ZFYVE16: variants seen among roughly 807,000 people sequenced by gnomAD.
ZFYVE16 encodes zinc finger FYVE domain-containing protein 16.
In ZFYVE16, 89 loss-of-function variants were observed where a neutral mutation model predicts 138.1. The observed-to-expected ratio is 0.64, with a 90% CI of 0.54 to 0.77. ZFYVE16 has a LOEUF of 0.77. ZFYVE16 is among the 30% of genes least tolerant of loss of function. ZFYVE16 has a pLI of 0.00. For synonymous variants in ZFYVE16, 596 were observed against 618.3 expected (o/e 0.96, Z 0.53); for missense variants, 1,793 against 1,786.7 (o/e 1.00, Z -0.06).
chr5:80,441,965 A>G (rs1750758573), intron 5 of ZFYVE16: 9 of 962,892 alleles, frequency 9.3e-6, no homozygotes, highest in South Asian at 4.8e-5. Context: ...AGAGCAAAAT[A>G]GAAGCTATAT....
intron 2 of ZFYVE16, among the ~76,000 whole-genome samples, chr5:80,429,718 A>C (rs1003627279): frequency 5.3e-5 from 8 of 152,248 alleles, no homozygotes; most frequent in Non-Finnish European, 1.0e-4. Flanking sequence ...TCTCACATGC[A>C]GAGACACACA....
At chr5:80,415,549 G>A (rs968087040) in intron 1 of ZFYVE16, among the ~76,000 whole-genome samples, 7 of 152,174 alleles carry the variant, frequency 4.6e-5, no homozygotes, top group African/African-American at 1.7e-4. Context: ...TTTGTAGAAT[G>A]TCAGTTGAGA....
At position 80,418,202 on chromosome 5, in the gene ZFYVE16, TCTCTC is replaced by T. The variant is rs550695415; in HGVS notation, c.-93-9285_-93-9281del. Reference sequence around the variant, plus strand: ...TCTCCTTTCCTTTCCTTTCCCCTCTTCTCTCCTCTTTCTCCTCTCCTCTCTCCTTT... The same window carrying T: ...TCTCCTTTCCTTTCCTTTCCCCTCTTCTCTTTCTCCTCTCCTCTCTCCTTT... On this transcript the variant is annotated intron_variant, in intron 1 of 18. Coordinates refer to ENST00000505560, the MANE Select transcript of ZFYVE16 (RefSeq NM_001284236.3). Among the ~76,000 whole-genome samples, 377 of 151,184 alleles carry T rather than the reference TCTCTC, an allele frequency of 2.5e-3. 2 individuals are homozygous for T. The highest frequency in any genetic ancestry group is 6.8e-3 in the Middle Eastern group (2 of 294).
At position 80,471,930 on chromosome 5, in the gene ZFYVE16, A is replaced by G. The variant is rs1754425113; in HGVS notation, c.4025-831A>G. 2.0e-5 allele frequency among the ~76,000 whole-genome samples: 3 copies of G among 152,136 alleles called. No individual in the cohort carries two copies. In the South Asian group the frequency reaches 6.2e-4, roughly 32 times the overall value. On this transcript the variant is annotated intron_variant, in intron 15 of 18. Coordinates refer to ENST00000505560, the MANE Select transcript of ZFYVE16 (RefSeq NM_001284236.3). ...CAGTCTTCAAATCTATTTTGCCTAT[A>G]GATTTTGTAAGGGCTTCGTTTTGGC... is the stretch of plus-strand genomic sequence containing the variant.
chr5:80,462,346 C>T (rs1284670081), intron 15 of ZFYVE16, among the ~76,000 whole-genome samples: 1 of 152,094 alleles, frequency 6.6e-6, no homozygotes. Flanking sequence ...AAGCAAGGCA[C>T]CTTCTTCACA....
At position 80,474,752 on chromosome 5, in the gene ZFYVE16, G is replaced by A. The variant is rs111722890; in HGVS notation, c.4383G>A (p.Ala1461=). The change falls in exon 18 of 19, where the codon GCG becomes GCA. Residue 1461 remains alanine, a synonymous_variant. Transcript: ENST00000505560. ...AKEIAMACSA[A]LCPHLKTLKS... ...AAATAGCCATGGCTTGTAGTGCTGCGCTGTGCCCTCACCTGAAAACTCTAA... is the reference window on the plus strand; with the variant it reads ...AAATAGCCATGGCTTGTAGTGCTGCACTGTGCCCTCACCTGAAAACTCTAA... 3,178 of 1,613,832 alleles carry A rather than the reference G, an allele frequency of 2.0e-3. 13 individuals carry two copies. The highest frequency in any genetic ancestry group is 0.018 in the African/African-American group (1,386 of 75,016).
rs1301499775 is a variant in ZFYVE16 at position 80,479,865 on chromosome 5, TC to T, written c.*2489del. ...AATAGGCTGAGACTCCCAAATACTT[TC>T]ACCTTTAGGATGATAATGAATCAGA... On this transcript the variant is annotated 3_prime_UTR_variant, in exon 19 of 19. Transcript: ENST00000505560. Among the ~76,000 whole-genome samples the T allele has an allele frequency of 6.6e-6, 1 of 152,112 alleles. No homozygotes were observed. The highest frequency in any genetic ancestry group is 1.5e-5 in the Non-Finnish European group (1 of 68,012).
intron 15 of ZFYVE16, among the ~76,000 whole-genome samples, chr5:80,465,696 A>G (rs1753679423): frequency 6.7e-6 from 1 of 150,224 alleles, no homozygotes. Context: ...GGCATGAGCC[A>G]CTGTGCCTGG....
chr5:80,433,328 A>G (rs374229021), intron 2 of ZFYVE16, among the ~76,000 whole-genome samples: 1 of 152,226 alleles, frequency 6.6e-6, no homozygotes, highest in South Asian at 2.1e-4. Context: ...TCAGCCAACT[A>G]TCGCAAGGAC....
Position 80,480,707 on chromosome 5 carries a change from C to T in ZFYVE16, c.*3330C>T, listed in dbSNP as rs1012437722. 2.6e-5 allele frequency among the ~76,000 whole-genome samples: 4 copies of T among 152,062 alleles called. No homozygotes were observed. The highest frequency in any genetic ancestry group is 5.9e-5 in the Non-Finnish European group (4 of 67,968). ...GGGAGGCCAAGGCAGGAGGATCACT[C>T]GAGCTCAGGTTGAGACCAGAGTGAG... On this transcript the variant is annotated 3_prime_UTR_variant, in exon 19 of 19. Transcript: ENST00000505560.
chr5:80,442,148 A>G (rs194540), intron 5 of ZFYVE16, among the ~76,000 whole-genome samples: 120,367 of 152,102 alleles, frequency 0.79, 50,137 homozygotes, highest in East Asian at 0.92. Context: ...CTGTCACTCA[A>G]GTTGGAGTGT....
At chr5:80,456,152 A>G (rs1050295207) in intron 12 of ZFYVE16, 7 of 297,920 alleles carry the variant, frequency 2.3e-5, no homozygotes, top group African/African-American at 1.3e-4. Flanking sequence ...TTTCTCATTT[A>G]TAATAGGAAG....
intron 5 of ZFYVE16, chr5:80,440,577 G>C: frequency 1.0e-6 from 1 of 982,320 alleles, no homozygotes; most frequent in Non-Finnish European, 1.2e-6. Flanking sequence ...TTTTGCATAT[G>C]TACACTTCCC....
intron 3 of ZFYVE16, chr5:80,435,791 T>C (rs948052191): frequency 1.8e-5 from 7 of 392,786 alleles, no homozygotes; most frequent in Non-Finnish European, 3.5e-5. Flanking sequence ...CTCAGGCTGG[T>C]CTTGAACTCC....
Position 80,481,992 on chromosome 5 carries a change from T to C in ZFYVE16, c.*4615T>C, listed in dbSNP as rs1755289462. Among the ~76,000 whole-genome samples the C allele has an allele frequency of 6.6e-6, 1 of 152,182 alleles. No individual in the cohort carries two copies. Among genetic ancestry groups the C allele is most frequent in the Non-Finnish European group, 1.5e-5 (1 of 68,040 alleles). Reference sequence around the variant, plus strand: ...GTACCACCACGCCTAGATAATTTTTTGTATTTTTAATAGAGACAGAGTTTC... The same window carrying C: ...GTACCACCACGCCTAGATAATTTTTCGTATTTTTAATAGAGACAGAGTTTC... On this transcript the variant is annotated 3_prime_UTR_variant, in exon 19 of 19. Transcript: ENST00000505560.
At chr5:80,414,713 A>G (rs1480301542) in intron 1 of ZFYVE16, among the ~76,000 whole-genome samples, 3 of 152,200 alleles carry the variant, frequency 2.0e-5, no homozygotes, top group Admixed American at 6.5e-5. Flanking sequence ...GCTTAAATTC[A>G]GGGAGGGAGG....
intron 15 of ZFYVE16, among the ~76,000 whole-genome samples, chr5:80,466,468 T>C (rs1044494116): frequency 6.6e-6 from 1 of 152,216 alleles, no homozygotes; most frequent in African/African-American, 2.4e-5. Context: ...ATCATTTCAT[T>C]GATATTCTCT....
At chr5:80,450,633 T>G in intron 10 of ZFYVE16, 47 bp downstream of exon 10, 1 of 1,567,028 alleles carries the variant, frequency 6.4e-7, no homozygotes, top group South Asian at 1.2e-5. Context: ...ATGGATAAAT[T>G]AGTTAAAGGC....
rs1751780431 is a variant in ZFYVE16 at position 80,449,703 on chromosome 5, A to G, written c.3216A>G (p.Lys1072=). Residue 1072 remains lysine, a synonymous_variant, in exon 9 of 19, where the codon AAA becomes AAG. Transcript: ENST00000505560. ...VLNANLLVNV[K]FIFYSSDKYW... ...ATGCTAATCTACTCGTGAATGTCAA[A>G]TTCATATTTTGTAAGTAATAATTTA... is the stretch of plus-strand genomic sequence containing the variant. The G allele has an allele frequency of 1.3e-6, 2 of 1,593,478 alleles. No homozygotes were observed. Among genetic ancestry groups the G allele is most frequent in the Non-Finnish European group, 1.7e-6 (2 of 1,173,234 alleles).
Sources: allele counts gnomAD v4.1 joint callset (sites outside exome capture counted in the v4.1 genomes callset), GRCh38; gene constraint gnomAD v4.1.1; transcripts MANE v1.5; gene names NCBI Gene and HGNC (gene_info 2026-07-23, HGNC 2026-07-21).